The following NSUN6 variants were observed in gnomAD, a reference collection of about 807,000 sequenced individuals.
NSUN6 encodes the protein tRNA (cytosine(72)-C(5))-methyltransferase NSUN6.
In NSUN6, 64 loss-of-function variants were observed where a neutral mutation model predicts 58.0. The observed-to-expected ratio is 1.10, with a 90% CI of 0.90 to 1.36. The LOEUF is 1.36. Among genes scored for constraint, NSUN6 ranks in the 40% most tolerant of loss-of-function variants. The pLI, the probability that NSUN6 is intolerant of heterozygous loss-of-function variation, is 0.00. For missense variants in NSUN6, 701 were observed against 550.1 expected, an observed-to-expected ratio of 1.27 and a Z score of -2.74; for synonymous variants, 231 against 193.9, an observed-to-expected ratio of 1.19 and a Z score of -1.59.
intron 8 of NSUN6, among the ~76,000 whole-genome samples, chr10:18,569,829 C>T (rs2056230882): frequency 6.6e-6 from 1 of 150,886 alleles, no homozygotes; most frequent in South Asian, 2.1e-4. Flanking sequence ...ATTCTCCATA[C>T]CATTCCATTC....
At position 18,611,700 on chromosome 10, in the gene NSUN6, G is replaced by C. The variant is rs545001790; in HGVS notation, c.576-1774C>G. Among the ~76,000 whole-genome samples the C allele has an allele frequency of 2.0e-5, 3 of 150,186 alleles. No homozygotes were observed. The East Asian group carries it at 5.9e-4, about 29-fold the overall frequency. On this transcript the variant is annotated intron_variant, in intron 5 of 10. Coordinates refer to ENST00000377304, the MANE Select transcript of NSUN6 (RefSeq NM_182543.5). ...ACACACCACCATGCCAGGTAAGTGT[G>C]TGTGTGGACAGAGTCTCACTATGGT...
intron 6 of NSUN6, among the ~76,000 whole-genome samples, chr10:18,603,776 C>T (rs1042705739): frequency 1.3e-5 from 2 of 152,142 alleles, no homozygotes; most frequent in East Asian, 1.9e-4. Flanking sequence ...CGTGCCTGGC[C>T]ACACACCCTT....
At chr10:18,638,780 TAGGGAA>T (rs1056185247) in intron 3 of NSUN6, among the ~76,000 whole-genome samples, 20 of 151,844 alleles carry the variant, frequency 1.3e-4, no homozygotes, top group Admixed American at 1.3e-3. Flanking sequence ...AAGGCACACT[TAGGGAA>T]AGGGCAGGGG....
At chr10:18,600,966 A>G (rs1358101141) in intron 6 of NSUN6, among the ~76,000 whole-genome samples, 15 of 112,816 alleles carry the variant, frequency 1.3e-4, no homozygotes, top group East Asian at 1.2e-3. Flanking sequence ...ATATACATAT[A>G]TATATATATA....
At chr10:18,632,863 C>G (rs187755307) in intron 3 of NSUN6, among the ~76,000 whole-genome samples, 12 of 152,146 alleles carry the variant, frequency 7.9e-5, no homozygotes, top group African/African-American at 2.4e-4. Flanking sequence ...CCTCAGGGAT[C>G]TAGAACTAGA....
intron 8 of NSUN6, among the ~76,000 whole-genome samples, chr10:18,581,235 T>C (rs1166783828): frequency 5.3e-5 from 8 of 152,114 alleles, no homozygotes; most frequent in African/African-American, 1.9e-4. Context: ...CTGGGCTGCA[T>C]TCCCAGTAAG....
At chr10:18,601,120 C>T (rs1564785373) in intron 6 of NSUN6, among the ~76,000 whole-genome samples, 1 of 150,556 alleles carries the variant, frequency 6.6e-6, no homozygotes, top group Non-Finnish European at 1.5e-5. Context: ...TTCAAGAAAC[C>T]GTATCAGTTT....
At chr10:18,598,595 C>T (rs2057687148) in intron 6 of NSUN6, among the ~76,000 whole-genome samples, 1 of 152,156 alleles carries the variant, frequency 6.6e-6, no homozygotes, top group South Asian at 2.1e-4. Context: ...CCTCAGCCTC[C>T]CGAATGGCTG....
upstream of NSUN6, among the ~76,000 whole-genome samples, chr10:18,658,835 G>T (rs1226496325): frequency 6.6e-6 from 1 of 152,156 alleles, no homozygotes; most frequent in East Asian, 1.9e-4. Flanking sequence ...GACCTCGTCT[G>T]CAATCGATCA....
chr10:18,557,613 A>G (rs1377043099), intron 8 of NSUN6, among the ~76,000 whole-genome samples: 1 of 150,998 alleles, frequency 6.6e-6, no homozygotes, highest in Admixed American at 6.6e-5. Flanking sequence ...ATGGATTGGA[A>G]CGGAGAATGG....
intron 3 of NSUN6, among the ~76,000 whole-genome samples, chr10:18,620,142 C>T (rs1261188247): frequency 6.6e-6 from 1 of 151,026 alleles, no homozygotes; most frequent in Non-Finnish European, 1.5e-5. Flanking sequence ...GGCTGGAGTG[C>T]AGTTGCGCCA....
intron 3 of NSUN6, among the ~76,000 whole-genome samples, chr10:18,628,179 C>T (rs1332945864): frequency 6.6e-6 from 1 of 152,136 alleles, no homozygotes; most frequent in Non-Finnish European, 1.5e-5. Context: ...CTCCAACAGA[C>T]CTGCAGCTGA....
At chr10:18,626,980 T>C (rs1171551845) in intron 3 of NSUN6, among the ~76,000 whole-genome samples, 2 of 152,186 alleles carry the variant, frequency 1.3e-5, no homozygotes, top group African/African-American at 4.8e-5. Context: ...TTCCTTAAAA[T>C]TACAAATTGA....
chr10:18,609,505 T>C (rs10764625), intron 6 of NSUN6, among the ~76,000 whole-genome samples: 38,399 of 151,908 alleles, frequency 0.25, 5,601 homozygotes, highest in East Asian at 0.74. Context: ...CAGCAGACTA[T>C]AACAAGTCAA....
intron 8 of NSUN6, among the ~76,000 whole-genome samples, chr10:18,558,970 A>C (rs952261286): frequency 1.7e-4 from 25 of 151,420 alleles, no homozygotes; most frequent in African/African-American, 5.8e-4. Context: ...GGGAGAATGG[A>C]AAAGAATGGA....
At chr10:18,559,156 G>A (rs967862177) in intron 8 of NSUN6, among the ~76,000 whole-genome samples, 1 of 149,974 alleles carries the variant, frequency 6.7e-6, no homozygotes, top group Non-Finnish European at 1.5e-5. Flanking sequence ...ATGGAATGCA[G>A]AATGGAATGG....
intron 8 of NSUN6, among the ~76,000 whole-genome samples, chr10:18,552,739 T>C (rs190167522): frequency 6.6e-6 from 1 of 151,518 alleles, no homozygotes; most frequent in Admixed American, 6.6e-5. Context: ...TTCCACTCCA[T>C]TCAATTCTCT....
At chr10:18,635,364 A>C (rs1346129992) in intron 3 of NSUN6, among the ~76,000 whole-genome samples, 1 of 152,172 alleles carries the variant, frequency 6.6e-6, no homozygotes, top group Non-Finnish European at 1.5e-5. Context: ...GTCTTAGCCA[A>C]TCACTAAACC....
At chr10:18,552,732 C>A (rs764688272) in intron 8 of NSUN6, among the ~76,000 whole-genome samples, 25 of 150,002 alleles carry the variant, frequency 1.7e-4, no homozygotes, top group South Asian at 4.2e-4. Context: ...TTCTCCATTC[C>A]ACTCCATTCA....
Sources: allele counts gnomAD v4.1 joint callset (sites outside exome capture counted in the v4.1 genomes callset), GRCh38; gene constraint gnomAD v4.1.1; transcripts MANE v1.5; gene names NCBI Gene and HGNC (gene_info 2026-07-23, HGNC 2026-07-21).